ZMYND11: variants seen among roughly 807,000 people sequenced by gnomAD.
ZMYND11 encodes zinc finger MYND domain-containing protein 11.
A neutral mutation model predicts 84.9 loss-of-function variants in ZMYND11; 9 were observed. That is an observed-to-expected ratio of 0.11 (90% confidence interval 0.06 to 0.18). The LOEUF is 0.18. Among genes scored for constraint, ZMYND11 ranks in the 10% least tolerant of loss-of-function variants. The probability of loss-of-function intolerance (pLI) is 1.00; values close to 1 mark genes in which losing one functional copy is unlikely to be tolerated. For synonymous variants in ZMYND11, 250 were observed against 244.1 expected (o/e 1.02, Z -0.23); for missense variants, 409 against 761.0 (o/e 0.54, Z 5.44).
At chr10:146,556 G>T (rs1838895716) in intron 1 of ZMYND11, among the ~76,000 whole-genome samples, 1 of 152,156 alleles carries the variant, frequency 6.6e-6, no homozygotes, top group African/African-American at 2.4e-5. Context: ...GTAGTGTTTT[G>T]TGGTTCTCCT....
At chr10:151,385 T>A (rs1840324274) in intron 1 of ZMYND11, among the ~76,000 whole-genome samples, 1 of 152,082 alleles carries the variant, frequency 6.6e-6, no homozygotes, top group Non-Finnish European at 1.5e-5. Flanking sequence ...CTGATGGAGC[T>A]GAAAACCATC....
At position 253,323 on chromosome 10, in the gene ZMYND11, C is replaced by T. The variant is rs1395508335; in HGVS notation, c.*853C>T. 6.6e-6 allele frequency: 1 copy of T among 152,658 alleles called. No homozygotes were observed. Among genetic ancestry groups the T allele is most frequent in the African/African-American group, 2.4e-5 (1 of 41,460 alleles). 9.5% of individuals were successfully genotyped at this position (152,658 alleles called of 1,614,324 possible). ...TACGAATTTGTTTAATGCTTCCCTTCCCTTCCCACATATCATCTCACTGCC... is the reference window on the plus strand; with the variant it reads ...TACGAATTTGTTTAATGCTTCCCTTTCCTTCCCACATATCATCTCACTGCC... On this transcript the variant is annotated 3_prime_UTR_variant, in exon 15 of 15. Transcript: ENST00000381604.
intron 2 of ZMYND11, among the ~76,000 whole-genome samples, chr10:201,402 A>C (rs940745487): frequency 1.3e-5 from 2 of 152,062 alleles, no homozygotes; most frequent in African/African-American, 4.8e-5. Flanking sequence ...GGCTGTTTTT[A>C]TACTGTTTTT....
At chr10:163,239 C>T (rs1554762573) in intron 1 of ZMYND11, among the ~76,000 whole-genome samples, 1 of 152,116 alleles carries the variant, frequency 6.6e-6, no homozygotes, top group East Asian at 1.9e-4. Flanking sequence ...CCCCCCACTA[C>T]CTGGGAAGCA....
Position 252,560 on chromosome 10 carries a change from C to A in ZMYND11, c.*90C>A. On this transcript the variant is annotated 3_prime_UTR_variant, in exon 15 of 15. Transcript: ENST00000381604. This position sits in a 1 kb window ranked among gnomAD's most constrained non-coding sequence, Gnocchi z 4.6. ...AGAAGCCAAAATTGTTTAGAATTTGCTTCCCATTTTGCACCAGCCTTTAAA... is the reference window on the plus strand; with the variant it reads ...AGAAGCCAAAATTGTTTAGAATTTGATTCCCATTTTGCACCAGCCTTTAAA... 6.7e-7 allele frequency: 1 copy of A among 1,502,956 alleles called. No homozygotes were observed. The highest frequency in any genetic ancestry group is 8.9e-7 in the Non-Finnish European group (1 of 1,129,474). 93.1% of individuals were successfully genotyped at this position (1,502,956 alleles called of 1,614,324 possible). A position where few individuals can be genotyped will look rare whatever the true frequency, so the allele number is the denominator to read the frequency against.
chr10:198,405 C>A (rs895107566), intron 2 of ZMYND11, among the ~76,000 whole-genome samples: 1 of 151,940 alleles, frequency 6.6e-6, no homozygotes, highest in African/African-American at 2.4e-5. Flanking sequence ...AAGTATAATA[C>A]CTTTACTGTT....
rs140277967 is a variant in ZMYND11, at chr10:222,777, G to C, written c.438+1421G>C. Among the ~76,000 whole-genome samples the C allele has an allele frequency of 5.3e-4, 81 of 151,474 alleles. 1 individual carries two copies. The highest frequency in any genetic ancestry group is 1.9e-3 in the African/African-American group (80 of 41,294). On this transcript the variant is annotated intron_variant, in intron 4 of 14. Coordinates refer to ENST00000381604, the MANE Select transcript of ZMYND11 (RefSeq NM_001370100.5). ...ATGGATGCAGGAATTAGGAAATACA[G>C]CTCTGGGTATGTCTGTGTCTCTACA...
intron 2 of ZMYND11, among the ~76,000 whole-genome samples, chr10:182,458 T>G (rs1848079744): frequency 6.6e-6 from 1 of 152,188 alleles, no homozygotes; most frequent in Admixed American, 6.5e-5. Context: ...ATGAATAAAT[T>G]TATTTACCTA....
intron 2 of ZMYND11, among the ~76,000 whole-genome samples, chr10:186,380 C>T (rs1318204481): frequency 2.0e-5 from 3 of 151,776 alleles, no homozygotes; most frequent in East Asian, 2.0e-4. Flanking sequence ...CCATGGCTCA[C>T]GCCTGTAATC....
At chr10:242,179 T>TAC in intron 10 of ZMYND11, 40 bp downstream of exon 10, 2 of 1,605,842 alleles carry the variant, frequency 1.2e-6, no homozygotes, top group Non-Finnish European at 1.7e-6. Context: ...CAGCTGTGCT[T>TAC]ATGAAGTCCT....
chr10:243,753 T>C (rs953949500), intron 10 of ZMYND11, among the ~76,000 whole-genome samples: 7 of 152,154 alleles, frequency 4.6e-5, no homozygotes, highest in African/African-American at 1.7e-4. Flanking sequence ...TAGTCCCACC[T>C]ACTTGGGAGG....
At chr10:201,042 C>T (rs1020470784) in intron 2 of ZMYND11, among the ~76,000 whole-genome samples, 1 of 151,812 alleles carries the variant, frequency 6.6e-6, no homozygotes, top group Non-Finnish European at 1.5e-5. Context: ...CTTTTATACT[C>T]ATAAAGTCTT....
chr10:236,340 T>G (rs1340114796), intron 4 of ZMYND11, among the ~76,000 whole-genome samples: 1 of 152,232 alleles, frequency 6.6e-6, no homozygotes, highest in Non-Finnish European at 1.5e-5. Flanking sequence ...TATTACTGAG[T>G]AGATCCATGG....
intron 2 of ZMYND11, among the ~76,000 whole-genome samples, chr10:187,175 G>T (rs978513327): frequency 2.6e-5 from 4 of 151,994 alleles, no homozygotes; most frequent in Admixed American, 1.3e-4. Context: ...GCAGTGAGCT[G>T]TGATTGTGCC....
At chr10:193,443 C>G (rs1409051619) in intron 2 of ZMYND11, among the ~76,000 whole-genome samples, 2 of 152,144 alleles carry the variant, frequency 1.3e-5, no homozygotes, top group Admixed American at 1.3e-4. Context: ...TATGGGGTAT[C>G]CCAAACACCT....
At chr10:229,216 A>G (rs1385555239) in intron 4 of ZMYND11, among the ~76,000 whole-genome samples, 1 of 152,172 alleles carries the variant, frequency 6.6e-6, no homozygotes, top group Non-Finnish European at 1.5e-5. Flanking sequence ...GCATTTTGTA[A>G]ATGTGGATGA....
At chr10:145,452 A>G (rs899997361) in intron 1 of ZMYND11, among the ~76,000 whole-genome samples, 1 of 152,088 alleles carries the variant, frequency 6.6e-6, no homozygotes, top group Non-Finnish European at 1.5e-5. Flanking sequence ...ATTTACTTTT[A>G]GTACTTAAAG....
Position 252,479 on chromosome 10 carries a change from C to T in ZMYND11, c.*9C>T. ...GCCGCCGGAAAAGATGAAGCTGGCC[C>T]TTCCCGGAGTCACCCCGATGATTAC... On this transcript the variant is annotated 3_prime_UTR_variant, in exon 15 of 15. Transcript: ENST00000381604. This position sits in a 1 kb window ranked among gnomAD's most constrained non-coding sequence, Gnocchi z 4.6. 1 of 1,607,788 alleles carries T rather than the reference C, an allele frequency of 6.2e-7. No individual in the cohort carries two copies. The highest frequency in any genetic ancestry group is 1.7e-5 in the Admixed American group (1 of 59,882).
chr10:249,145 C>A (rs1259338828), intron 14 of ZMYND11, 57 bp downstream of exon 14: 1 of 1,605,968 alleles, frequency 6.2e-7, no homozygotes, highest in Admixed American at 1.7e-5. Flanking sequence ...AGGTATGATG[C>A]CCGTTAATTC....
Sources: gnomAD v4.1 joint callset for allele counts (sites outside exome capture counted in the v4.1 genomes callset) on GRCh38, gnomAD v4.1.1 for gene constraint, Gnocchi (gnomAD v3.1) non-coding constraint, MANE v1.5 for transcripts, NCBI Gene and HGNC (gene_info 2026-07-23, HGNC 2026-07-21) for gene names.